The following DLG2 variants were observed in gnomAD, a reference collection of about 807,000 sequenced individuals.
DLG2 encodes the protein discs large MAGUK scaffold protein 2, also known as disks large homolog 2.
A neutral mutation model predicts 132.5 loss-of-function variants in DLG2; 45 were observed. That is an observed-to-expected ratio of 0.34 (90% confidence interval 0.27 to 0.44). The LOEUF is 0.44. Ranked by LOEUF, DLG2 falls within the 20% of genes least tolerant of loss-of-function variation. The probability of loss-of-function intolerance (pLI) is 1.00; values close to 1 mark genes in which losing one functional copy is unlikely to be tolerated. For missense variants in DLG2, 1,045 were observed against 1,196.9 expected (o/e 0.87, Z 1.87); for synonymous variants, 424 against 419.6 (o/e 1.01, Z -0.13).
At chr11:85,095,603 T>C (rs2154178049) in intron 6 of DLG2, among the ~76,000 whole-genome samples, 1 of 152,244 alleles carries the variant, frequency 6.6e-6, no homozygotes, top group South Asian at 2.1e-4. Context: ...CCAGCTCCTA[T>C]CCCTCTTCAC....
chr11:84,669,899 T>A (rs888199045), intron 6 of DLG2, among the ~76,000 whole-genome samples: 4 of 152,138 alleles, frequency 2.6e-5, no homozygotes, highest in African/African-American at 9.7e-5. Flanking sequence ...AAGAGTAGCA[T>A]TGAACTGACA....
intron 6 of DLG2, among the ~76,000 whole-genome samples, chr11:84,690,728 T>C (rs1464298069): frequency 6.6e-6 from 1 of 151,840 alleles, no homozygotes; most frequent in African/African-American, 2.4e-5. Flanking sequence ...CACAACAATA[T>C]TCATTTAAGG....
chr11:84,048,666 G>A (rs1335335339), intron 11 of DLG2, among the ~76,000 whole-genome samples: 4 of 151,676 alleles, frequency 2.6e-5, no homozygotes, highest in African/African-American at 4.8e-5. Flanking sequence ...TACAGTAAAC[G>A]GTTGGGTGCC....
At chr11:84,407,093 C>T (rs1353447753) in intron 7 of DLG2, among the ~76,000 whole-genome samples, 2 of 152,158 alleles carry the variant, frequency 1.3e-5, no homozygotes, top group African/African-American at 4.8e-5. Flanking sequence ...TGGGCTTCCG[C>T]ACCTCAGTCC....
intron 3 of DLG2, among the ~76,000 whole-genome samples, chr11:85,569,006 T>G (rs947516153): frequency 2.6e-5 from 4 of 152,070 alleles, no homozygotes; most frequent in African/African-American, 7.2e-5. Context: ...GGTCATTTAT[T>G]TGAGATCATT....
chr11:84,801,892 A>G (rs2075423437), intron 6 of DLG2, among the ~76,000 whole-genome samples: 1 of 152,236 alleles, frequency 6.6e-6, no homozygotes, highest in South Asian at 2.1e-4. Flanking sequence ...GAACACATCA[A>G]AAGAATTTCC....
chr11:84,510,882 TGAAGGGA>T (rs1565149288), intron 7 of DLG2, among the ~76,000 whole-genome samples: 1 of 151,676 alleles, frequency 6.6e-6, no homozygotes, highest in Non-Finnish European at 1.5e-5. Context: ...TAGGCTCAAA[TGAAGGGA>T]GAAGGGAGAA....
intron 16 of DLG2, among the ~76,000 whole-genome samples, chr11:83,859,899 C>T (rs1231509895): frequency 6.6e-6 from 1 of 152,158 alleles, no homozygotes; most frequent in Non-Finnish European, 1.5e-5. Context: ...CCAGCCACTC[C>T]AACCATGACT....
At chr11:83,496,187 T>G (rs1403032410) in intron 21 of DLG2, among the ~76,000 whole-genome samples, 3 of 133,050 alleles carry the variant, frequency 2.3e-5, no homozygotes, top group African/African-American at 7.5e-5. Context: ...TAACATAAGA[T>G]ATATATATAT....
chr11:83,890,445 C>A (rs1408251955), intron 15 of DLG2, among the ~76,000 whole-genome samples: 4 of 151,926 alleles, frequency 2.6e-5, no homozygotes, highest in Admixed American at 6.6e-5. Context: ...TTTGATTTTT[C>A]CTTCCATTCC....
chr11:83,984,680 T>C (rs1432949077), intron 11 of DLG2, among the ~76,000 whole-genome samples: 1 of 151,148 alleles, frequency 6.6e-6, no homozygotes, highest in African/African-American at 2.5e-5. Context: ...TGTAAAGAAT[T>C]TTTTTTCCAT....
chr11:85,288,417 G>A (rs2078691421), intron 3 of DLG2, among the ~76,000 whole-genome samples: 1 of 151,818 alleles, frequency 6.6e-6, no homozygotes, highest in African/African-American at 2.4e-5. Context: ...TAATTGGGTG[G>A]ACAAAAATCA....
chr11:85,333,440 G>T (rs1374691492), intron 3 of DLG2, among the ~76,000 whole-genome samples: 3 of 152,064 alleles, frequency 2.0e-5, no homozygotes, highest in African/African-American at 4.8e-5. Context: ...TTCTTGCCTG[G>T]TTGCTCTGGC....
At chr11:84,652,850 T>C (rs972535144) in intron 6 of DLG2, among the ~76,000 whole-genome samples, 3 of 151,724 alleles carry the variant, frequency 2.0e-5, no homozygotes, top group African/African-American at 7.3e-5. Context: ...GATATAAATC[T>C]AGGCACTCCA....
intron 8 of DLG2, among the ~76,000 whole-genome samples, chr11:84,200,484 T>G (rs2096577815): frequency 6.6e-6 from 1 of 152,182 alleles, no homozygotes; most frequent in Admixed American, 6.5e-5. Flanking sequence ...AGACTTTTGA[T>G]AATGCTTCCC....
chr11:83,929,102 T>A (rs1250321714), intron 15 of DLG2, among the ~76,000 whole-genome samples: 1 of 152,202 alleles, frequency 6.6e-6, no homozygotes, highest in African/African-American at 2.4e-5. Flanking sequence ...CCCTAGCTGA[T>A]TTACATAGTC....
chr11:84,890,313 G>A (rs1600947783), intron 6 of DLG2, among the ~76,000 whole-genome samples: 2 of 152,272 alleles, frequency 1.3e-5, no homozygotes, highest in Admixed American at 1.3e-4. Context: ...AAGTACAAAA[G>A]GTCCAAGTTA....
chr11:83,570,978 G>C (rs528676059), intron 19 of DLG2, among the ~76,000 whole-genome samples: 1 of 152,212 alleles, frequency 6.6e-6, no homozygotes, highest in African/African-American at 2.4e-5. Flanking sequence ...CAACTCCTGG[G>C]TTCAAGCAAT....
chr11:84,002,383 C>T (rs574605218), intron 11 of DLG2, among the ~76,000 whole-genome samples: 1 of 152,180 alleles, frequency 6.6e-6, no homozygotes, highest in African/African-American at 2.4e-5. Flanking sequence ...GCCCACCCGA[C>T]ATTTCCCTTC....
Sources: allele counts gnomAD v4.1 joint callset (sites outside exome capture counted in the v4.1 genomes callset), GRCh38; gene constraint gnomAD v4.1.1; transcripts MANE v1.5; gene names NCBI Gene and HGNC (gene_info 2026-07-23, HGNC 2026-07-21).